The following IQCM variants were observed in gnomAD, a reference collection of about 807,000 sequenced individuals.
IQCM encodes IQ domain-containing protein M.
Under a neutral mutation model 57.6 loss-of-function variants are expected in IQCM, and 45 were observed. The ratio of observed to expected loss-of-function variants is 0.78; its 90% CI spans 0.62 to 1.00. The LOEUF is 1.00. Among genes scored for constraint, IQCM ranks in the 50% least tolerant of loss-of-function variants. The pLI, the probability that IQCM is intolerant of heterozygous loss-of-function variation, is 0.00. For missense variants in IQCM, 468 were observed against 511.6 expected (o/e 0.91, Z 0.82); for synonymous variants, 148 against 158.9 (o/e 0.93, Z 0.51).
chr4:149,705,523 C>A (rs894549024), intron 5 of IQCM, among the ~76,000 whole-genome samples: 1 of 151,660 alleles, frequency 6.6e-6, no homozygotes, highest in Non-Finnish European at 1.5e-5. Flanking sequence ...AGTTGGCATA[C>A]CTTTTATATC....
At chr4:149,739,160 G>T (rs67810218) in intron 3 of IQCM, among the ~76,000 whole-genome samples, 64,737 of 151,900 alleles carry the variant, frequency 0.43, 15,206 homozygotes, top group Middle Eastern at 0.56. Context: ...AACTTAATTT[G>T]TAAATACATA....
intron 8 of IQCM, among the ~76,000 whole-genome samples, chr4:149,600,731 A>T (rs1754198306): frequency 6.6e-6 from 1 of 152,184 alleles, no homozygotes; most frequent in African/African-American, 2.4e-5. Flanking sequence ...TAAAAGAATG[A>T]TTCTCAAACT....
At chr4:149,593,373 T>C (rs1161259045) in intron 8 of IQCM, among the ~76,000 whole-genome samples, 1 of 152,098 alleles carries the variant, frequency 6.6e-6, no homozygotes, top group Admixed American at 6.6e-5. Flanking sequence ...TGATGGGGTT[T>C]TCTAAATATA....
chr4:149,497,801 A>C (rs1404078768), intron 12 of IQCM, among the ~76,000 whole-genome samples: 2 of 151,384 alleles, frequency 1.3e-5, no homozygotes, highest in African/African-American at 4.8e-5. Context: ...GAACCTATAT[A>C]TATTTCTATC....
chr4:149,634,595 A>G (rs1471293439), intron 7 of IQCM, among the ~76,000 whole-genome samples: 1 of 152,218 alleles, frequency 6.6e-6, no homozygotes, highest in African/African-American at 2.4e-5. Context: ...CTTTGCCTTT[A>G]AAACTCAGAT....
In IQCM at chr4:149,686,446, G is replaced by A. The variant is rs1762553056; in HGVS notation, c.408C>T (p.Ile136=). 5 of 1,226,486 alleles carry A rather than the reference G, an allele frequency of 4.1e-6. No homozygotes were observed. The highest frequency in any genetic ancestry group is 5.1e-6 in the Non-Finnish European group (5 of 983,360). The allele number at this position is 1,226,486 out of a possible 1,614,324, so 76.0% of individuals were successfully genotyped here. A position where few individuals can be genotyped will look rare whatever the true frequency, so the allele number is the denominator to read the frequency against. Residue 136 remains isoleucine (I), a synonymous_variant, in exon 6 of 14, where the codon ATC becomes ATT. Transcript: ENST00000636793. Reference sequence around the variant, plus strand: ...TACTCACTGGTTCAATAATAGTCATGATTTTATCCAATTTAACTTGTCCTG... The same window carrying A: ...TACTCACTGGTTCAATAATAGTCATAATTTTATCCAATTTAACTTGTCCTG... ...ITKGQVKLDK[I]MTIIEPVSKK...
chr4:149,579,133 A>G (rs1392442405), intron 9 of IQCM, among the ~76,000 whole-genome samples: 1 of 151,658 alleles, frequency 6.6e-6, no homozygotes, highest in Non-Finnish European at 1.5e-5. Flanking sequence ...TTTTCTTCAT[A>G]TTACATGCAG....
intron 7 of IQCM, among the ~76,000 whole-genome samples, chr4:149,640,778 A>G (rs935379848): frequency 1.3e-5 from 2 of 152,148 alleles, no homozygotes; most frequent in African/African-American, 2.4e-5. Flanking sequence ...GGAGTCGAGA[A>G]TATATTAAAA....
At chr4:149,624,120 T>C (rs1756588723) in intron 7 of IQCM, among the ~76,000 whole-genome samples, 1 of 150,444 alleles carries the variant, frequency 6.6e-6, no homozygotes, top group Admixed American at 6.7e-5. Flanking sequence ...GTATGCGCCA[T>C]AAAACTGAAT....
At chr4:149,633,167 CAAAAAAAAAAAAAAA>C (rs71596216) in intron 7 of IQCM, among the ~76,000 whole-genome samples, 28 of 22,946 alleles carry the variant, frequency 1.2e-3, no homozygotes, top group African/African-American at 4.9e-3. Flanking sequence ...GACTCCGTCT[CAAAAAAAAAAAAAAA>C]AAAAAAAAAA....
chr4:149,410,420 C>CTGTGTG (rs34376171), intron 13 of IQCM, among the ~76,000 whole-genome samples: 2 of 147,638 alleles, frequency 1.4e-5, no homozygotes, highest in East Asian at 2.0e-4. Flanking sequence ...ATACACACAC[C>CTGTGTG]TGTGTGTGTG....
At chr4:149,642,363 G>C (rs1456902375) in intron 7 of IQCM, among the ~76,000 whole-genome samples, 1 of 152,102 alleles carries the variant, frequency 6.6e-6, no homozygotes, top group Non-Finnish European at 1.5e-5. Flanking sequence ...ATAAAAATGA[G>C]AGGTCGTAAA....
chr4:149,446,436 G>T (rs1308661923), intron 12 of IQCM, among the ~76,000 whole-genome samples: 1 of 151,650 alleles, frequency 6.6e-6, no homozygotes, highest in African/African-American at 2.4e-5. Flanking sequence ...AACAATAATA[G>T]AAATTTATGT....
intron 10 of IQCM, among the ~76,000 whole-genome samples, chr4:149,554,755 AGTGGC>A (rs1749393102): frequency 6.7e-6 from 1 of 149,944 alleles, no homozygotes. Flanking sequence ...GCTGGAGTGC[AGTGGC>A]GCGATCTCGG....
chr4:149,495,373 C>A (rs1032952500), intron 12 of IQCM, among the ~76,000 whole-genome samples: 3 of 152,058 alleles, frequency 2.0e-5, no homozygotes, highest in Admixed American at 2.0e-4. Context: ...CTCACACAAA[C>A]CCATGTTACT....
chr4:149,476,775 A>T (rs571141510), intron 12 of IQCM, among the ~76,000 whole-genome samples: 3 of 152,116 alleles, frequency 2.0e-5, no homozygotes, highest in Non-Finnish European at 4.4e-5. Flanking sequence ...GGAGTCAGGT[A>T]TAGGAAAATG....
chr4:149,653,907 A>G (rs985130977), intron 7 of IQCM, among the ~76,000 whole-genome samples: 1 of 152,134 alleles, frequency 6.6e-6, no homozygotes, highest in Non-Finnish European at 1.5e-5. Context: ...AAAATGTACT[A>G]TATTTGGTGG....
intron 6 of IQCM, among the ~76,000 whole-genome samples, chr4:149,685,413 T>C (rs1762476717): frequency 6.6e-6 from 1 of 151,544 alleles, no homozygotes; most frequent in Non-Finnish European, 1.5e-5. Flanking sequence ...TCCTTTGTAA[T>C]TAATATCTTC....
Position 149,433,451 on chromosome 4 carries a change from GAGT to G in IQCM, c.1332_1334del (p.Leu445del), listed in dbSNP as rs1735056611. The stretch of plus-strand genomic sequence containing the variant: ...CTATGGGTCTCAACCAAGTCGACTT[GAGT>G]AGTGTACTGTCAGGCACATGTGCAC... On this transcript the variant is annotated inframe_deletion, in exon 13 of 14. Coordinates refer to ENST00000636793, the MANE Select transcript of IQCM (RefSeq NM_001363507.2). 7 of 1,226,536 alleles carry G rather than the reference GAGT, an allele frequency of 5.7e-6. No individual in the cohort carries two copies. The highest frequency in any genetic ancestry group is 3.1e-5 in the African/African-American group (2 of 64,190). 76.0% of individuals were successfully genotyped at this position (1,226,536 alleles called of 1,614,324 possible).
Sources: gnomAD v4.1 joint callset for allele counts (sites outside exome capture counted in the v4.1 genomes callset) on GRCh38, gnomAD v4.1.1 for gene constraint, MANE v1.5 for transcripts, NCBI Gene and HGNC (gene_info 2026-07-23, HGNC 2026-07-21) for gene names.